TMTC2: variants seen among roughly 807,000 people sequenced by gnomAD.
TMTC2 encodes transmembrane O-mannosyltransferase targeting cadherins 2, also known as protein O-mannosyl-transferase TMTC2.
A neutral mutation model predicts 82.4 loss-of-function variants in TMTC2; 43 were observed. The observed-to-expected ratio is 0.52, with a 90% CI of 0.41 to 0.67. The LOEUF (loss-of-function observed/expected upper bound fraction) is 0.67. Among genes scored for constraint, TMTC2 ranks in the 30% least tolerant of loss-of-function variants. TMTC2 has a pLI of 0.00. For synonymous variants in TMTC2, 408 were observed against 381.9 expected, an observed-to-expected ratio of 1.07 and a Z score of -0.80; for missense variants, 919 against 1,012.4, an observed-to-expected ratio of 0.91 and a Z score of 1.25.
intron 1 of TMTC2, among the ~76,000 whole-genome samples, chr12:82,688,608 A>T (rs1484031095): frequency 2.6e-5 from 4 of 152,216 alleles, no homozygotes; most frequent in Non-Finnish European, 5.9e-5. Context: ...ATTAAAACAG[A>T]TGCATAATTA....
intron 8 of TMTC2, among the ~76,000 whole-genome samples, chr12:82,997,221 C>CTCTATATATA (rs1451262969): frequency 9.3e-5 from 11 of 118,536 alleles, no homozygotes; most frequent in Admixed American, 6.5e-4. Context: ...CTCTCTCTCT[C>CTCTATATATA]TATATATATA....
intron 2 of TMTC2, among the ~76,000 whole-genome samples, chr12:82,868,768 G>A (rs543492846): frequency 1.3e-5 from 2 of 151,276 alleles, no homozygotes; most frequent in African/African-American, 4.9e-5. Flanking sequence ...CCCCAACCTG[G>A]CAGGCAATGT....
intron 1 of TMTC2, among the ~76,000 whole-genome samples, chr12:82,854,415 G>C (rs183587877): frequency 2.2e-4 from 33 of 152,060 alleles, no homozygotes; most frequent in Admixed American, 7.9e-4. Flanking sequence ...CAAGATGGCT[G>C]CTGGAACTCC....
At chr12:83,095,678 A>G (rs1330351823) in intron 11 of TMTC2, among the ~76,000 whole-genome samples, 7 of 152,154 alleles carry the variant, frequency 4.6e-5, no homozygotes, top group Non-Finnish European at 7.3e-5. Context: ...TATCACAGTG[A>G]GTTACCTAAT....
At chr12:82,904,483 A>G (rs979998015) in intron 3 of TMTC2, among the ~76,000 whole-genome samples, 4 of 152,200 alleles carry the variant, frequency 2.6e-5, no homozygotes, top group Non-Finnish European at 5.9e-5. Flanking sequence ...ATAGTGGAGA[A>G]ATGATAGCTG....
intron 9 of TMTC2, among the ~76,000 whole-genome samples, chr12:83,045,129 CAA>C (rs1882038339): frequency 6.6e-6 from 1 of 152,142 alleles, no homozygotes; most frequent in Non-Finnish European, 1.5e-5. Context: ...CAGTTCAATA[CAA>C]AACAATTGCT....
intron 1 of TMTC2, among the ~76,000 whole-genome samples, chr12:82,762,854 A>G (rs2136982695): frequency 6.6e-6 from 1 of 152,254 alleles, no homozygotes; most frequent in East Asian, 1.9e-4. Context: ...ATATTAGTGG[A>G]ACAAAAAAAA....
intron 2 of TMTC2, among the ~76,000 whole-genome samples, chr12:82,860,943 A>G (rs1423735958): frequency 1.3e-5 from 2 of 152,218 alleles, no homozygotes; most frequent in East Asian, 1.9e-4. Flanking sequence ...ATAGATTTCT[A>G]TGCCTGGGGT....
intron 9 of TMTC2, among the ~76,000 whole-genome samples, chr12:83,038,931 T>G (rs1881780600): frequency 1.4e-5 from 2 of 146,340 alleles, no homozygotes; most frequent in East Asian, 2.0e-4. Flanking sequence ...ACCTTGGTTT[T>G]TTTTTTTTTT....
intron 1 of TMTC2, among the ~76,000 whole-genome samples, chr12:82,739,375 G>A (rs1323798095): frequency 6.6e-6 from 1 of 152,032 alleles, no homozygotes; most frequent in Admixed American, 6.6e-5. Context: ...GTTCTGGGTG[G>A]AGAAGAGATA....
intron 8 of TMTC2, among the ~76,000 whole-genome samples, chr12:82,998,016 A>G (rs1156525208): frequency 1.3e-5 from 2 of 152,162 alleles, no homozygotes; most frequent in Non-Finnish European, 2.9e-5. Context: ...ACTGAAAGGG[A>G]GCAGTCATGC....
At chr12:82,792,649 A>AT (rs1161056332) in intron 1 of TMTC2, among the ~76,000 whole-genome samples, 2 of 151,374 alleles carry the variant, frequency 1.3e-5, no homozygotes, top group East Asian at 1.9e-4. Flanking sequence ...ATTTTTTTCC[A>AT]TTTTTTGTAG....
chr12:82,898,192 A>G (rs1873778930), intron 3 of TMTC2, among the ~76,000 whole-genome samples: 1 of 152,200 alleles, frequency 6.6e-6, no homozygotes, highest in African/African-American at 2.4e-5. Flanking sequence ...GTGAAAAATC[A>G]TTACCATGTG....
intron 1 of TMTC2, among the ~76,000 whole-genome samples, chr12:82,711,551 G>T (rs1873619982): frequency 6.6e-6 from 1 of 152,024 alleles, no homozygotes; most frequent in Non-Finnish European, 1.5e-5. Flanking sequence ...CCACTGATTT[G>T]GATAATGTCT....
chr12:83,025,826 A>T lies in TMTC2; in HGVS notation c.2071-4972A>T, dbSNP rs142245633. On this transcript the variant is annotated intron_variant, in intron 8 of 11. Transcript: ENST00000321196. ...TACTATTGCCAAATTATTACAGAGG[A>T]TATTTTAAAGGATACAATTGAACAG... Among the ~76,000 whole-genome samples, 18 of 152,322 alleles carry T rather than the reference A, an allele frequency of 1.2e-4. No homozygotes were observed. The East Asian group carries it at 2.9e-3, about 24-fold the overall frequency.
chr12:83,010,674 T>G (rs530798977), intron 8 of TMTC2, among the ~76,000 whole-genome samples: 1 of 152,282 alleles, frequency 6.6e-6, no homozygotes, highest in African/African-American at 2.4e-5. Flanking sequence ...ACCAAACCCC[T>G]GTCATTTCAG....
intron 8 of TMTC2, among the ~76,000 whole-genome samples, chr12:83,010,733 C>T (rs1465402313): frequency 6.6e-6 from 1 of 152,154 alleles, no homozygotes; most frequent in Non-Finnish European, 1.5e-5. Flanking sequence ...ATATCAGGAA[C>T]CACCGATATT....
chr12:82,933,850 G>A (rs1876172430), intron 4 of TMTC2, among the ~76,000 whole-genome samples: 1 of 152,124 alleles, frequency 6.6e-6, no homozygotes, highest in Non-Finnish European at 1.5e-5. Flanking sequence ...AATAGTATGA[G>A]TGATGTAGAT....
chr12:82,902,069 G>A (rs564909965), intron 3 of TMTC2, among the ~76,000 whole-genome samples: 3 of 152,240 alleles, frequency 2.0e-5, no homozygotes, highest in South Asian at 2.1e-4. Context: ...TTTCCCCCAC[G>A]GCTCTGGGAC....
Sources: gnomAD v4.1 joint callset for allele counts (sites outside exome capture counted in the v4.1 genomes callset) on GRCh38, gnomAD v4.1.1 for gene constraint, MANE v1.5 for transcripts, NCBI Gene and HGNC (gene_info 2026-07-23, HGNC 2026-07-21) for gene names.